Variants in ATE1 observed in about 807,000 individuals in gnomAD.
ATE1 encodes the protein arginyltransferase 1, also known as arginyl-tRNA--protein transferase 1.
ATE1 carries 36 observed loss-of-function variants against 70.5 expected under a neutral mutation model. The observed-to-expected ratio is 0.51, with a 90% CI of 0.39 to 0.67. The LOEUF (loss-of-function observed/expected upper bound fraction) is 0.67, where lower values mean the gene tolerates loss of function less well. Ranked by LOEUF, ATE1 falls within the 30% of genes least tolerant of loss-of-function variation. The probability of loss-of-function intolerance (pLI) is 0.00; values close to 1 mark genes in which losing one functional copy is unlikely to be tolerated. For missense variants in ATE1, 593 were observed against 629.5 expected (o/e 0.94, Z 0.62); for synonymous variants, 232 against 219.3 (o/e 1.06, Z -0.51).
At chr10:121,928,385 C>G, upstream of ATE1, 1 of 1,532,776 alleles carries the variant, frequency 6.5e-7, no homozygotes, top group East Asian at 2.6e-5. Flanking sequence ...GCAGTAGCCG[C>G]AGTGGTAGCC....
At chr10:121,792,772 T>C (rs1048574235) in intron 10 of ATE1, among the ~76,000 whole-genome samples, 3 of 152,188 alleles carry the variant, frequency 2.0e-5, no homozygotes, top group Admixed American at 6.5e-5. Context: ...TTCTTGGTGA[T>C]AGATCACTTT....
In ATE1 at chr10:121,790,083, G is replaced by A; in HGVS notation, c.1378+86C>T. ...TACTCTATAATATACAAAGCTACCT[G>A]GACCCTGTTAAGAGCCACAGCCACA... On this transcript the variant is annotated intron_variant, in intron 11 of 11. Transcript: ENST00000224652. The A allele has an allele frequency of 1.9e-6, 3 of 1,562,584 alleles. No homozygotes were observed. In the Admixed American group the frequency reaches 5.3e-5, roughly 28 times the overall value.
At chr10:121,924,771 T>C (rs908809303) in intron 1 of ATE1, among the ~76,000 whole-genome samples, 1 of 151,922 alleles carries the variant, frequency 6.6e-6, no homozygotes, top group South Asian at 2.1e-4. Flanking sequence ...ATGAAAAGTT[T>C]GTACATACTT....
chr10:121,920,505 G>C (rs1951837507), intron 3 of ATE1, among the ~76,000 whole-genome samples: 1 of 150,370 alleles, frequency 6.7e-6, no homozygotes, highest in South Asian at 2.1e-4. Context: ...ATTCCAGCCT[G>C]AGCAAGACCC....
At chr10:121,793,137 G>A (rs1946521222) in intron 10 of ATE1, among the ~76,000 whole-genome samples, 1 of 152,144 alleles carries the variant, frequency 6.6e-6, no homozygotes, top group African/African-American at 2.4e-5. Flanking sequence ...AAAGATATAT[G>A]AATGCCTAAT....
intron 11 of ATE1, among the ~76,000 whole-genome samples, chr10:121,764,210 A>AG (rs1172536230): frequency 1.3e-5 from 2 of 152,090 alleles, no homozygotes; most frequent in East Asian, 1.9e-4. Context: ...TGTTAAAAAA[A>AG]AAAAAAGTCA....
chr10:121,846,786 G>T (rs1471727766), intron 8 of ATE1: 3 of 152,040 alleles, frequency 2.0e-5, no homozygotes, highest in Non-Finnish European at 4.4e-5. Context: ...GTATTTCCAT[G>T]AATGATAAGT....
chr10:121,821,101 C>T (rs1213132827), intron 10 of ATE1, among the ~76,000 whole-genome samples: 1 of 152,216 alleles, frequency 6.6e-6, no homozygotes, highest in Non-Finnish European at 1.5e-5. Context: ...ACCACCACGC[C>T]TGGCTAATTT....
intron 11 of ATE1, among the ~76,000 whole-genome samples, chr10:121,749,930 A>T (rs1257882682): frequency 6.6e-6 from 1 of 152,230 alleles, no homozygotes; most frequent in African/African-American, 2.4e-5. Flanking sequence ...ACTACTGATT[A>T]TCATTATAGG....
intron 9 of ATE1, among the ~76,000 whole-genome samples, chr10:121,837,395 G>GT (rs1416463917): frequency 7.2e-5 from 11 of 152,114 alleles, no homozygotes; most frequent in Non-Finnish European, 1.2e-4. Context: ...TAACTCAAAC[G>GT]TAAGAAGTTG....
chr10:121,792,448 T>C (rs1946492106), intron 10 of ATE1, among the ~76,000 whole-genome samples: 1 of 152,186 alleles, frequency 6.6e-6, no homozygotes, highest in African/African-American at 2.4e-5. Flanking sequence ...TCAGCTTTCC[T>C]GGAGTGCTCA....
At chr10:121,894,515 A>G (rs1363358954) in intron 7 of ATE1, among the ~76,000 whole-genome samples, 1 of 152,200 alleles carries the variant, frequency 6.6e-6, no homozygotes, top group Non-Finnish European at 1.5e-5. Flanking sequence ...TCACAAAATG[A>G]AAGAGTCTAA....
chr10:121,748,013 G>A (rs1324661946), intron 11 of ATE1, among the ~76,000 whole-genome samples: 1 of 152,194 alleles, frequency 6.6e-6, no homozygotes, highest in African/African-American at 2.4e-5. Flanking sequence ...ATAAAAAAGT[G>A]AAGATCGGTG....
chr10:121,909,440 T>C (rs1951333531), intron 5 of ATE1, among the ~76,000 whole-genome samples: 3 of 152,240 alleles, frequency 2.0e-5, no homozygotes, highest in Admixed American at 2.0e-4. Flanking sequence ...TGAATATTTT[T>C]TTTAAAGTTC....
chr10:121,801,638 A>G (rs1946883898), intron 10 of ATE1, among the ~76,000 whole-genome samples: 1 of 152,212 alleles, frequency 6.6e-6, no homozygotes, highest in Admixed American at 6.5e-5. Context: ...ATGTGTCTAT[A>G]TATAAATTTG....
At chr10:121,922,688 C>T (rs1194626174) in intron 2 of ATE1, among the ~76,000 whole-genome samples, 2 of 152,158 alleles carry the variant, frequency 1.3e-5, no homozygotes, top group Non-Finnish European at 2.9e-5. Flanking sequence ...TCTGCCTTCA[C>T]CTGCCACCAA....
chr10:121,749,970 T>C (rs1312450444), intron 11 of ATE1, among the ~76,000 whole-genome samples: 1 of 152,242 alleles, frequency 6.6e-6, no homozygotes, highest in Non-Finnish European at 1.5e-5. Context: ...CTGGGCTTAA[T>C]GTTCTGTGGT....
intron 11 of ATE1, among the ~76,000 whole-genome samples, chr10:121,745,449 G>A (rs1189468729): frequency 6.6e-6 from 1 of 152,202 alleles, no homozygotes; most frequent in Non-Finnish European, 1.5e-5. Context: ...GGGTGCAGTG[G>A]CTCACGCCTG....
intron 8 of ATE1, among the ~76,000 whole-genome samples, chr10:121,855,513 A>G (rs7092052): frequency 0.91 from 138,035 of 152,248 alleles, 62,717 homozygotes; most frequent in Middle Eastern, 0.96. Context: ...TGTGATCTAT[A>G]GCTAAAGTTG....
Sources: gnomAD v4.1 joint callset for allele counts (sites outside exome capture counted in the v4.1 genomes callset) on GRCh38, gnomAD v4.1.1 for gene constraint, MANE v1.5 for transcripts, NCBI Gene and HGNC (gene_info 2026-07-23, HGNC 2026-07-21) for gene names.